The following RARB variants were observed in gnomAD, a reference collection of about 807,000 sequenced individuals.
RARB encodes HBV-activated protein.
RARB carries 17 observed loss-of-function variants against 51.9 expected under a neutral mutation model. That is an observed-to-expected ratio of 0.33 (90% CI 0.22 to 0.49). RARB has a LOEUF of 0.49. Ranked by LOEUF, RARB falls within the 20% of genes least tolerant of loss-of-function variation. The probability of loss-of-function intolerance (pLI) is 0.99; values close to 1 mark genes in which losing one functional copy is unlikely to be tolerated. For synonymous variants in RARB, 215 were observed against 195.4 expected (o/e 1.10, Z -0.84); for missense variants, 369 against 550.8 (o/e 0.67, Z 3.30).
At chr3:24,916,836 C>T (rs1695117906) in intron 2 of RARB, among the ~76,000 whole-genome samples, 1 of 149,958 alleles carries the variant, frequency 6.7e-6, no homozygotes, top group Non-Finnish European at 1.5e-5. Context: ...GGAAACAGGC[C>T]AGGTGTCCAT....
chr3:25,115,654 TTTTCC>T (rs945456327), intron 3 of RARB, among the ~76,000 whole-genome samples: 7 of 151,768 alleles, frequency 4.6e-5, no homozygotes, highest in African/African-American at 7.3e-5. Flanking sequence ...CTTTCTTTCT[TTTTCC>T]TTTCCTTTCC....
In RARB at chr3:24,958,272, T is replaced by TTTTTTTG. The variant is rs1559411553; in HGVS notation, c.-380+99526_-380+99527insGTTTTTT. Among the ~76,000 whole-genome samples, 11 of 140,368 alleles carry TTTTTTTG rather than the reference T, an allele frequency of 7.8e-5. No individual in the cohort carries two copies. In the East Asian group the frequency reaches 2.3e-3, roughly 30 times the overall value. The allele number at this position is 140,368 out of a possible 152,430, so 92.1% of individuals were successfully genotyped here. On this transcript the variant is annotated intron_variant, in intron 2 of 11. Coordinates refer to the RARB transcript ENST00000383772. ...CTGCTCAGGTTTTTTTTTTTTTTTT[T>TTTTTTTG]TTTTTTTTTTTTTTTTTAGCTGTCA...
chr3:25,390,937 G>A (rs564361538), intron 5 of RARB, among the ~76,000 whole-genome samples: 26 of 152,026 alleles, frequency 1.7e-4, no homozygotes, highest in Non-Finnish European at 2.2e-4. Context: ...GGGAACAGGC[G>A]GTGTTTGGTT....
chr3:25,497,657 C>T (rs908660102), intron 2 of RARB, among the ~76,000 whole-genome samples: 1 of 152,186 alleles, frequency 6.6e-6, no homozygotes, highest in Non-Finnish European at 1.5e-5. Flanking sequence ...CTCTCAGTGA[C>T]CATGAGGAGC....
chr3:24,836,983 C>T (rs1158127528), intron 1 of RARB, among the ~76,000 whole-genome samples: 1 of 152,164 alleles, frequency 6.6e-6, no homozygotes, highest in African/African-American at 2.4e-5. Flanking sequence ...GCAAATTCAC[C>T]AGCCCCTTGG....
At chr3:25,056,528 A>T (rs1438469052) in intron 2 of RARB, among the ~76,000 whole-genome samples, 1 of 152,136 alleles carries the variant, frequency 6.6e-6, no homozygotes, top group African/African-American at 2.4e-5. Flanking sequence ...AAAGGAGAAG[A>T]GTGCTTAAAT....
chr3:25,355,734 T>G (rs985938597), intron 5 of RARB, among the ~76,000 whole-genome samples: 1 of 152,134 alleles, frequency 6.6e-6, no homozygotes, highest in Non-Finnish European at 1.5e-5. Flanking sequence ...CCACAGCATT[T>G]TCCAAACCTC....
In RARB at chr3:25,180,505, T is replaced by C. The variant is rs1423637262; in HGVS notation, c.178+5930T>C. ...ATCTGCAACTCCTATAGATTTCAAA[T>C]AGGTTATATTCAGATGGCCTTGAGC... On this transcript the variant is annotated intron_variant, in intron 5 of 11. Transcript: ENST00000383772. 2.0e-5 allele frequency among the ~76,000 whole-genome samples: 3 copies of C among 152,176 alleles called. No homozygotes were observed. The East Asian group carries it at 5.8e-4, about 29-fold the overall frequency.
intron 1 of RARB, among the ~76,000 whole-genome samples, chr3:25,451,773 G>A (rs150325170): frequency 9.8e-4 from 149 of 152,286 alleles, no homozygotes; most frequent in African/African-American, 3.3e-3. Context: ...CATAAGCAAC[G>A]AATGTGTGTG....
intron 4 of RARB, among the ~76,000 whole-genome samples, chr3:25,149,434 G>GA (rs1391629523): frequency 6.6e-5 from 10 of 152,226 alleles, no homozygotes; most frequent in African/African-American, 2.4e-4. Context: ...AGTTCTACCA[G>GA]AAAATGTGAT....
Position 25,001,585 on chromosome 3 carries a change from G to A in RARB, c.-379-58540G>A, listed in dbSNP as rs74316357. Among the ~76,000 whole-genome samples, 578 of 152,254 alleles carry A rather than the reference G, an allele frequency of 3.8e-3. 4 individuals are homozygous for A. The highest frequency in any genetic ancestry group is 0.013 in the African/African-American group (536 of 41,562). ...CCACCTCCTCAGAATTAAGCCAGAAGATCAGCTCTTAGCCACGTGGCACCA... is the reference window on the plus strand; with the variant it reads ...CCACCTCCTCAGAATTAAGCCAGAAAATCAGCTCTTAGCCACGTGGCACCA... On this transcript the variant is annotated intron_variant, in intron 2 of 11. Coordinates refer to the RARB transcript ENST00000383772.
chr3:25,090,584 G>T (rs1013699343), intron 3 of RARB, among the ~76,000 whole-genome samples: 2 of 152,060 alleles, frequency 1.3e-5, no homozygotes, highest in African/African-American at 4.8e-5. Context: ...TAATGTAGAT[G>T]TTGTAGCCTT....
intron 4 of RARB, among the ~76,000 whole-genome samples, chr3:25,156,906 C>G (rs1700384022): frequency 6.6e-6 from 1 of 152,234 alleles, no homozygotes; most frequent in Non-Finnish European, 1.5e-5. Context: ...AGTTAAACTT[C>G]TGGCTAACTG....
chr3:25,368,842 T>C (rs1405766203), intron 5 of RARB, among the ~76,000 whole-genome samples: 3 of 152,210 alleles, frequency 2.0e-5, no homozygotes, highest in Non-Finnish European at 4.4e-5. Flanking sequence ...TAACAGATGA[T>C]TTAGACCCGT....
chr3:25,283,792 C>T (rs1051918044), intron 5 of RARB, among the ~76,000 whole-genome samples: 2 of 152,180 alleles, frequency 1.3e-5, no homozygotes, highest in African/African-American at 4.8e-5. Flanking sequence ...AGGGCCCAGA[C>T]AGGATTACAG....
intron 2 of RARB, among the ~76,000 whole-genome samples, chr3:24,956,515 C>T (rs1244614829): frequency 6.6e-6 from 1 of 152,128 alleles, no homozygotes; most frequent in African/African-American, 2.4e-5. Flanking sequence ...AAACATTCTG[C>T]CTGGCTCTGA....
intron 3 of RARB, among the ~76,000 whole-genome samples, chr3:25,506,493 A>G (rs990729720): frequency 1.3e-5 from 2 of 151,960 alleles, no homozygotes; most frequent in Admixed American, 6.6e-5. Context: ...CTGTGGTCCC[A>G]GCTACTCAGC....
At chr3:25,459,735 C>G (rs928378823) in intron 1 of RARB, among the ~76,000 whole-genome samples, 1 of 152,098 alleles carries the variant, frequency 6.6e-6, no homozygotes, top group Non-Finnish European at 1.5e-5. Flanking sequence ...GCAGGATAAT[C>G]CAGTCAGGAG....
rs958867733 is a variant in RARB at position 25,428,513 on chromosome 3, C to T, written c.-219C>T. 5.5e-5 allele frequency: 69 copies of T among 1,265,774 alleles called. 1 individual carries two copies. The South Asian group carries it at 1.9e-3, about 35-fold the overall frequency. 78.4% of individuals were successfully genotyped at this position (1,265,774 alleles called of 1,614,324 possible). ...AACCCCCCGCCCCGGCTGGATTGGC[C>T]GAGCAAGCCTGGAAAATGGTAAATG... On this transcript the variant is annotated 5_prime_UTR_variant, in exon 1 of 8. Coordinates refer to ENST00000330688, the MANE Select transcript of RARB (RefSeq NM_000965.5).
Sources: gnomAD v4.1 joint callset for allele counts (sites outside exome capture counted in the v4.1 genomes callset) on GRCh38, gnomAD v4.1.1 for gene constraint, MANE v1.5 for transcripts, NCBI Gene and HGNC (gene_info 2026-07-23, HGNC 2026-07-21) for gene names.